The following TMCO6 variants were observed in gnomAD, a reference collection of about 807,000 sequenced individuals.
TMCO6 encodes transmembrane and coiled-coil domain-containing protein 6.
In TMCO6, 47 loss-of-function variants were observed where a neutral mutation model predicts 61.8. The ratio of observed to expected loss-of-function variants is 0.76; its 90% CI spans 0.60 to 0.97. TMCO6 has a LOEUF of 0.97. Among genes scored for constraint, TMCO6 ranks in the 50% least tolerant of loss-of-function variants. The pLI, the probability that TMCO6 is intolerant of heterozygous loss-of-function variation, is 0.00. For synonymous variants in TMCO6, 261 were observed against 254.2 expected (o/e 1.03, Z -0.25); for missense variants, 557 against 601.6 (o/e 0.93, Z 0.78).
the TMCO6 span, chr5:140,632,953 G>A: frequency 6.2e-7 from 1 of 1,614,026 alleles, no homozygotes; most frequent in Non-Finnish European, 8.5e-7. This position sits in a 1 kb window ranked among gnomAD's most constrained non-coding sequence, Gnocchi z 6.2. Flanking sequence ...AGCGGCAGCA[G>A]CAGCAGCAAC....
At chr5:140,633,474 C>T in the TMCO6 span, 1 of 393,628 alleles carries the variant, frequency 2.5e-6, no homozygotes, top group South Asian at 2.2e-5. Flanking sequence ...AAGGATGATC[C>T]TCAGTGCCTT....
At chr5:140,646,578 C>T (rs192291665), downstream of TMCO6, among the ~76,000 whole-genome samples, 9 of 152,230 alleles carry the variant, frequency 5.9e-5, no homozygotes, top group African/African-American at 1.9e-4. Context: ...GATTAAAATC[C>T]TGTTATTCAG....
the TMCO6 span, chr5:140,633,423 G>A: frequency 2.2e-6 from 1 of 460,424 alleles, no homozygotes; most frequent in Non-Finnish European, 4.0e-6. Flanking sequence ...TGAATGCCCT[G>A]TTGACTCGGG....
At position 140,641,775 on chromosome 5, in the gene TMCO6, C is replaced by G. The variant is rs61741389; in HGVS notation, c.309C>G (p.Phe103Leu). The change falls in exon 3 of 12, where the codon TTC becomes TTG. Residue 103 changes from phenylalanine to leucine, a missense_variant. By Grantham distance (22) the Phe-to-Leu change is conservative. Coordinates refer to ENST00000394671, the MANE Select transcript of TMCO6 (RefSeq NM_018502.5). The stretch of plus-strand genomic sequence containing the variant: ...AGCACCCTGAAACACAGCAAACCTT[C>G]ATCCGGTCAGTGTGGATGGTGTGGT... Reference protein sequence around the residue: ...GLQHPETQQTFIRLEGSMRTL... With the variant: ...GLQHPETQQTLIRLEGSMRTL... 8.2e-4 allele frequency: 1,316 copies of G among 1,614,222 alleles called. 17 individuals carry two copies. The African/African-American group carries it at 0.016, about 19-fold the overall frequency.
chr5:140,623,528 G>A, the TMCO6 span, among the ~76,000 whole-genome samples: 1 of 151,876 alleles, frequency 6.6e-6, no homozygotes, highest in Non-Finnish European at 1.5e-5. Context: ...GAACCCCATC[G>A]GTCTCTCTGA....
At chr5:140,626,678 C>G in the TMCO6 span, among the ~76,000 whole-genome samples, 1 of 152,076 alleles carries the variant, frequency 6.6e-6, no homozygotes, top group Non-Finnish European at 1.5e-5. Context: ...GTGATCTTGG[C>G]TTGCTGCACC....
Position 140,643,823 on chromosome 5 carries a change from A to G in TMCO6, c.962A>G (p.Glu321Gly). 1 of 1,614,180 alleles carries G rather than the reference A, an allele frequency of 6.2e-7. No individual in the cohort carries two copies. The highest frequency in any genetic ancestry group is 8.5e-7 in the Non-Finnish European group (1 of 1,180,040). ...VLRCLSNLLT[E>G]AAVETVGGQM... ...CGATGTCTAAGCAACCTGCTAACTG[A>G]GGCAGCAGTGGAGACTGTGGGAGGG... The change falls in exon 9 of 12, where the codon GAG becomes GGG. Residue 321 changes from glutamate to glycine, a missense_variant. Physicochemically the swap from Glu to Gly is moderately conservative, Grantham distance 98 (BLOSUM62 -2). Coordinates refer to ENST00000394671, the MANE Select transcript of TMCO6 (RefSeq NM_018502.5).
At chr5:140,600,858 A>C in the TMCO6 span, among the ~76,000 whole-genome samples, 1 of 152,192 alleles carries the variant, frequency 6.6e-6, no homozygotes, top group Non-Finnish European at 1.5e-5. Flanking sequence ...ATTCAACGAA[A>C]AGAGATGCTA....
the TMCO6 span, among the ~76,000 whole-genome samples, chr5:140,619,682 G>A: frequency 6.6e-6 from 1 of 151,926 alleles, no homozygotes; most frequent in Admixed American, 6.6e-5. Context: ...CTCTTAGTCT[G>A]TAAAAAAGTG....
At chr5:140,597,009 G>A in the TMCO6 span, among the ~76,000 whole-genome samples, 1 of 152,178 alleles carries the variant, frequency 6.6e-6, no homozygotes, top group Non-Finnish European at 1.5e-5. Context: ...AGCATAACAG[G>A]CTCCTATAAT....
the TMCO6 span, among the ~76,000 whole-genome samples, chr5:140,620,370 G>A: frequency 9.2e-4 from 140 of 152,272 alleles, no homozygotes; most frequent in African/African-American, 3.0e-3. Flanking sequence ...TAAGGGTTGC[G>A]GGGAGGGAGG....
At chr5:140,643,157 C>T (rs551388096) in intron 7 of TMCO6, 116 bp downstream of exon 7, 2 of 1,454,746 alleles carry the variant, frequency 1.4e-6, no homozygotes, top group African/African-American at 1.4e-5. Flanking sequence ...CCTCCACTGT[C>T]TTCTCTTTTT....
At chr5:140,631,491 G>C in the TMCO6 span, among the ~76,000 whole-genome samples, 1 of 152,192 alleles carries the variant, frequency 6.6e-6, no homozygotes, top group African/African-American at 2.4e-5. Flanking sequence ...TTTTAATCCA[G>C]ATGCCAATAA....
the TMCO6 span, chr5:140,632,269 C>G: frequency 6.2e-7 from 1 of 1,613,780 alleles, no homozygotes; most frequent in African/African-American, 1.3e-5. This position sits in a 1 kb window ranked among gnomAD's most constrained non-coding sequence, Gnocchi z 6.2. Flanking sequence ...GCGCACACGC[C>G]TGTGGGCGTC....
At chr5:140,639,889 C>T (rs763165234) in intron 2 of TMCO6, 38 bp downstream of exon 2, 3 of 1,550,846 alleles carry the variant, frequency 1.9e-6, no homozygotes, top group South Asian at 2.4e-5. Flanking sequence ...AGTCCACGCC[C>T]GCTGGCGCCA....
At chr5:140,641,616 C>A in intron 2 of TMCO6, 49 bp from the exon 3 acceptor site, 1 of 1,548,612 alleles carries the variant, frequency 6.5e-7, no homozygotes, top group Non-Finnish European at 8.9e-7. Flanking sequence ...AGACTTAGGA[C>A]TTGCTTTCTG....
At position 140,644,751 on chromosome 5, in the gene TMCO6, C is replaced by T. The variant is rs2149799048; in HGVS notation, c.1368+11C>T. ...CTGTATCAGCCAGAGGTATAGGTTT[C>T]TGGCCCACATCCTCAGTCACCCCTG... On this transcript the variant is annotated intron_variant, in intron 11 of 11. Transcript: ENST00000394671. 1.2e-6 allele frequency: 2 copies of T among 1,613,838 alleles called. No homozygotes were observed. The highest frequency in any genetic ancestry group is 8.5e-7 in the Non-Finnish European group (1 of 1,179,760).
At chr5:140,610,351 G>A in the TMCO6 span, among the ~76,000 whole-genome samples, 2 of 152,008 alleles carry the variant, frequency 1.3e-5, no homozygotes, top group African/African-American at 4.8e-5. Flanking sequence ...ACAAGACTCT[G>A]TCTCAAACAA....
chr5:140,632,922 G>A, the TMCO6 span: 1 of 1,614,176 alleles, frequency 6.2e-7, no homozygotes, highest in Admixed American at 1.7e-5. This position sits in a 1 kb window ranked among gnomAD's most constrained non-coding sequence, Gnocchi z 6.2. Flanking sequence ...AGGTTCTGGC[G>A]TGGTCGCAGA....
Sources: allele counts gnomAD v4.1 joint callset (sites outside exome capture counted in the v4.1 genomes callset), GRCh38; gene constraint gnomAD v4.1.1; non-coding constraint Gnocchi (gnomAD v3.1); transcripts MANE v1.5; gene names NCBI Gene and HGNC (gene_info 2026-07-23, HGNC 2026-07-21).